Variants in MAP2K4 observed in about 807,000 individuals in gnomAD.
The protein encoded by MAP2K4 is dual specificity mitogen-activated protein kinase kinase 4.
In MAP2K4, 4 loss-of-function variants were observed where a neutral mutation model predicts 48.5. That is an observed-to-expected ratio of 0.08 (90% CI 0.04 to 0.19). MAP2K4 has a LOEUF of 0.19. Among genes scored for constraint, MAP2K4 ranks in the 10% least tolerant of loss-of-function variants. The probability of loss-of-function intolerance (pLI) is 1.00; values close to 1 mark genes in which losing one functional copy is unlikely to be tolerated. For missense variants in MAP2K4, 258 were observed against 493.3 expected (o/e 0.52, Z 4.52); for synonymous variants, 166 against 173.1 (o/e 0.96, Z 0.32).
intron 3 of MAP2K4, among the ~76,000 whole-genome samples, chr17:12,094,665 T>C (rs1344465921): frequency 6.6e-6 from 1 of 152,178 alleles, no homozygotes; most frequent in Non-Finnish European, 1.5e-5. Context: ...TGAACATGAT[T>C]CTTTCCTATA....
chr17:12,045,994 TC>T (rs1194129191), intron 1 of MAP2K4, among the ~76,000 whole-genome samples: 1 of 152,224 alleles, frequency 6.6e-6, no homozygotes, highest in African/African-American at 2.4e-5. Context: ...TGCAAATGTT[TC>T]CTCTTCCTGG....
intron 5 of MAP2K4, among the ~76,000 whole-genome samples, chr17:12,109,857 A>G (rs914534601): frequency 3.3e-5 from 5 of 152,062 alleles, no homozygotes; most frequent in African/African-American, 1.2e-4. Context: ...GCCAGGCACA[A>G]TGGTTCATGC....
intron 9 of MAP2K4, 103 bp downstream of exon 9, chr17:12,129,390 G>T (rs1972957799): frequency 7.5e-7 from 1 of 1,340,108 alleles, no homozygotes; most frequent in South Asian, 1.3e-5. Flanking sequence ...GGGGACCCTT[G>T]GTCACATCAC....
intron 4 of MAP2K4, 104 bp downstream of exon 4, chr17:12,095,798 TTAA>T: frequency 3.1e-6 from 4 of 1,283,022 alleles, no homozygotes; most frequent in Non-Finnish European, 4.4e-6. Context: ...TAGTAATAAG[TTAA>T]TATCTCAGTA....
intron 2 of MAP2K4, among the ~76,000 whole-genome samples, chr17:12,068,438 A>T (rs1244883845): frequency 6.6e-6 from 1 of 152,218 alleles, no homozygotes. Flanking sequence ...AAAGCGTAAT[A>T]GTCACCTATC....
intron 6 of MAP2K4, 158 bp downstream of exon 6, chr17:12,110,584 T>C: frequency 1.7e-6 from 1 of 574,234 alleles, no homozygotes. Flanking sequence ...CTATTACTGC[T>C]ATTTTTTTCT....
intron 3 of MAP2K4, among the ~76,000 whole-genome samples, chr17:12,093,914 A>G (rs1173351947): frequency 6.6e-6 from 1 of 152,208 alleles, no homozygotes; most frequent in Non-Finnish European, 1.5e-5. Context: ...AATATTTACA[A>G]AAATTATTAC....
chr17:12,124,135 C>G (rs1284600478), intron 7 of MAP2K4, among the ~76,000 whole-genome samples: 1 of 152,134 alleles, frequency 6.6e-6, no homozygotes, highest in Admixed American at 6.5e-5. Flanking sequence ...TACTCATGCT[C>G]AAAGCAATAT....
chr17:12,088,637 C>T (rs1251832018), intron 3 of MAP2K4, among the ~76,000 whole-genome samples: 4 of 134,714 alleles, frequency 3.0e-5, no homozygotes, highest in African/African-American at 8.2e-5. Flanking sequence ...AATCTTTGTT[C>T]TTTTCTTCTT....
rs1464808450 is a variant in MAP2K4, at chr17:12,143,111, G to C, written c.*1851G>C. 1.3e-5 allele frequency: 3 copies of C among 232,890 alleles called. No homozygotes were observed. Among genetic ancestry groups the C allele is most frequent in the South Asian group, 1.8e-4 (1 of 5,532 alleles). The allele number at this position is 232,890 out of a possible 1,614,324, so 14.4% of individuals were successfully genotyped here. On this transcript the variant is annotated 3_prime_UTR_variant, in exon 11 of 11. Transcript: ENST00000353533. ...TATCCTAAACTTTAGACTTCCCACT[G>C]TTCTGAAAGGAGACATTGCTCTATG... is the stretch of plus-strand genomic sequence containing the variant.
chr17:12,024,914 TC>T (rs35187953), intron 1 of MAP2K4, among the ~76,000 whole-genome samples: 1 of 152,272 alleles, frequency 6.6e-6, no homozygotes, highest in South Asian at 2.1e-4. Context: ...AAAGAGAAGA[TC>T]CCGTTATACC....
At chr17:12,058,357 G>A (rs978581949) in intron 2 of MAP2K4, among the ~76,000 whole-genome samples, 9 of 151,550 alleles carry the variant, frequency 5.9e-5, no homozygotes, top group Admixed American at 3.9e-4. Context: ...GAGGTACTGC[G>A]CCTGGCCTAG....
intron 3 of MAP2K4, among the ~76,000 whole-genome samples, chr17:12,093,839 C>T (rs989564711): frequency 2.0e-5 from 3 of 152,072 alleles, no homozygotes; most frequent in African/African-American, 7.2e-5. Flanking sequence ...TAATTACCTT[C>T]CTAAATTAGC....
chr17:12,067,267 A>G (rs1970646609), intron 2 of MAP2K4, among the ~76,000 whole-genome samples: 1 of 152,328 alleles, frequency 6.6e-6, no homozygotes, highest in African/African-American at 2.4e-5. Flanking sequence ...TGCTGGTGAA[A>G]TGTACTTTTA....
intron 2 of MAP2K4, among the ~76,000 whole-genome samples, chr17:12,065,591 C>T (rs1442281780): frequency 1.3e-5 from 2 of 151,916 alleles, no homozygotes; most frequent in African/African-American, 2.4e-5. Context: ...TGAGCCACTG[C>T]GCCTGGCCTA....
intron 1 of MAP2K4, among the ~76,000 whole-genome samples, chr17:12,053,397 C>T (rs1970198888): frequency 6.6e-6 from 1 of 151,934 alleles, no homozygotes. Context: ...TTTGTCTTTA[C>T]TGCTCATATT....
At chr17:12,044,481 A>G (rs1200895713) in intron 1 of MAP2K4, among the ~76,000 whole-genome samples, 1 of 152,242 alleles carries the variant, frequency 6.6e-6, no homozygotes, top group Non-Finnish European at 1.5e-5. Context: ...TAATAACATT[A>G]TTACTTATAA....
At chr17:12,077,461 C>T (rs1971048995) in intron 2 of MAP2K4, among the ~76,000 whole-genome samples, 1 of 152,194 alleles carries the variant, frequency 6.6e-6, no homozygotes, top group South Asian at 2.1e-4. Flanking sequence ...TAGTTTATTT[C>T]ACTTTTCCAT....
chr17:12,120,915 C>T (rs1972666946), intron 7 of MAP2K4, among the ~76,000 whole-genome samples: 1 of 152,208 alleles, frequency 6.6e-6, no homozygotes, highest in Non-Finnish European at 1.5e-5. Context: ...TGCAGGTATT[C>T]TGGCGATGCT....
Sources: gnomAD v4.1 joint callset for allele counts (sites outside exome capture counted in the v4.1 genomes callset) on GRCh38, gnomAD v4.1.1 for gene constraint, MANE v1.5 for transcripts, NCBI Gene and HGNC (gene_info 2026-07-23, HGNC 2026-07-21) for gene names.